Variants in DNER observed in about 807,000 individuals in gnomAD.
DNER encodes the protein delta and Notch-like epidermal growth factor-related receptor.
DNER carries 33 observed loss-of-function variants against 78.2 expected under a neutral mutation model. That is an observed-to-expected ratio of 0.42 (90% CI 0.32 to 0.56). The LOEUF (loss-of-function observed/expected upper bound fraction) is 0.56, where lower values mean the gene tolerates loss of function less well. Among genes scored for constraint, DNER ranks in the 20% least tolerant of loss-of-function variants. The pLI is 0.11. For synonymous variants in DNER, 417 were observed against 384.8 expected (o/e 1.08, Z -0.98); for missense variants, 918 against 975.3 (o/e 0.94, Z 0.78).
At chr2:229,475,131 T>C (rs963331845) in intron 7 of DNER, among the ~76,000 whole-genome samples, 4 of 152,196 alleles carry the variant, frequency 2.6e-5, no homozygotes, top group Admixed American at 2.0e-4. Context: ...ATTTAATCCT[T>C]ACACTGATCC....
At chr2:229,369,252 A>G (rs940154979) in intron 11 of DNER, among the ~76,000 whole-genome samples, 1 of 151,926 alleles carries the variant, frequency 6.6e-6, no homozygotes, top group East Asian at 1.9e-4. Context: ...AAGTTTAAAA[A>G]AAAAGTTTTA....
intron 4 of DNER, among the ~76,000 whole-genome samples, chr2:229,571,503 C>T (rs1697217783): frequency 6.6e-6 from 1 of 152,130 alleles, no homozygotes; most frequent in Middle Eastern, 3.4e-3. Flanking sequence ...TCTCTGCTCC[C>T]CACGCCTTCT....
intron 1 of DNER, among the ~76,000 whole-genome samples, chr2:229,593,350 G>A (rs1485041432): frequency 1.3e-5 from 2 of 152,016 alleles, no homozygotes; most frequent in African/African-American, 4.8e-5. Flanking sequence ...TGCACCTGCT[G>A]GACCCCTGCC....
intron 1 of DNER, among the ~76,000 whole-genome samples, chr2:229,704,513 G>A (rs1699795429): frequency 6.6e-6 from 1 of 152,188 alleles, no homozygotes; most frequent in African/African-American, 2.4e-5. Flanking sequence ...ATACTATTCA[G>A]CAATAATAAG....
chr2:229,607,582 A>C (rs1388088503), intron 1 of DNER, among the ~76,000 whole-genome samples: 2 of 152,252 alleles, frequency 1.3e-5, no homozygotes, highest in African/African-American at 2.4e-5. Flanking sequence ...GATAATTTGA[A>C]GAAGAATAAA....
chr2:229,706,943 G>A (rs1055071913), intron 1 of DNER, among the ~76,000 whole-genome samples: 12 of 152,194 alleles, frequency 7.9e-5, no homozygotes, highest in African/African-American at 2.9e-4. Context: ...TTAGTTGGTA[G>A]AAAGAATGGG....
At chr2:229,368,722 T>C (rs1028885295) in intron 11 of DNER, among the ~76,000 whole-genome samples, 2 of 152,162 alleles carry the variant, frequency 1.3e-5, no homozygotes, top group Non-Finnish European at 2.9e-5. Flanking sequence ...CACCAGAAGA[T>C]ACATTATTCT....
At chr2:229,559,180 G>C (rs1337665750) in intron 4 of DNER, among the ~76,000 whole-genome samples, 1 of 152,110 alleles carries the variant, frequency 6.6e-6, no homozygotes, top group Non-Finnish European at 1.5e-5. Flanking sequence ...ACCCCCAAAG[G>C]GAGCAATCAA....
intron 5 of DNER, among the ~76,000 whole-genome samples, chr2:229,542,321 G>A (rs1409115684): frequency 1.3e-5 from 2 of 152,064 alleles, no homozygotes; most frequent in South Asian, 2.1e-4. Context: ...AGCTCCTTGC[G>A]ATGTTGAAGT....
In DNER at chr2:229,591,825, T is replaced by G. The variant is rs760977383; in HGVS notation, c.340A>C (p.Ser114Arg). 2 of 1,602,714 alleles carry G rather than the reference T, an allele frequency of 1.2e-6. No homozygotes were observed. Reference protein sequence around the residue: ...HHGNCSSSSSSSSDGYLCICN... With the variant: ...HHGNCSSSSSRSSDGYLCICN... ...ATGCAGAGGTAGCCATCGCTGCTGC[T>G]GCTGCTGCTGCTGCTGCAGTTGCCA... Residue 114 changes from serine to arginine, a missense_variant, in exon 2 of 13, where the codon AGC (serine) becomes CGC (arginine). Ser to Arg is a moderately radical substitution (Grantham distance 110). Transcript: ENST00000341772. This position sits in a 1 kb window ranked among gnomAD's most constrained non-coding sequence, Gnocchi z 4.6.
At chr2:229,628,577 G>C (rs1698383720) in intron 1 of DNER, among the ~76,000 whole-genome samples, 1 of 152,110 alleles carries the variant, frequency 6.6e-6, no homozygotes, top group African/African-American at 2.4e-5. Context: ...GAAATAACCA[G>C]AGCTGCTCTG....
chr2:229,567,451 G>A (rs904209830), intron 4 of DNER, among the ~76,000 whole-genome samples: 3 of 152,174 alleles, frequency 2.0e-5, no homozygotes, highest in Non-Finnish European at 2.9e-5. Context: ...CTATGGTGAT[G>A]GCAAATATGG....
intron 1 of DNER, among the ~76,000 whole-genome samples, chr2:229,624,301 G>A (rs1255596693): frequency 6.6e-6 from 1 of 152,176 alleles, no homozygotes; most frequent in Admixed American, 6.5e-5. Context: ...AGTAAGCCAC[G>A]AGAAAACTTA....
chr2:229,419,921 T>C (rs1318925486), intron 8 of DNER, among the ~76,000 whole-genome samples: 4 of 147,492 alleles, frequency 2.7e-5, no homozygotes, highest in African/African-American at 5.1e-5. Flanking sequence ...GCTGCTGGCA[T>C]CTAGTAGGCA....
At chr2:229,685,602 A>G (rs1278321706) in intron 1 of DNER, among the ~76,000 whole-genome samples, 1 of 152,252 alleles carries the variant, frequency 6.6e-6, no homozygotes, top group African/African-American at 2.4e-5. Context: ...GGGCCTGTGT[A>G]GAGAATTCAG....
intron 1 of DNER, among the ~76,000 whole-genome samples, chr2:229,688,310 G>A (rs752892748): frequency 1.3e-4 from 20 of 152,188 alleles, no homozygotes; most frequent in Non-Finnish European, 2.6e-4. Context: ...ACAGACGGAC[G>A]CATGGATTTG....
At chr2:229,393,462 T>C (rs1166533508) in intron 10 of DNER, among the ~76,000 whole-genome samples, 2 of 151,232 alleles carry the variant, frequency 1.3e-5, no homozygotes, top group Non-Finnish European at 3.0e-5. Context: ...AATAGTAGAT[T>C]AGACACTGCA....
intron 12 of DNER, among the ~76,000 whole-genome samples, chr2:229,361,887 A>C (rs779382785): frequency 3.3e-5 from 5 of 152,086 alleles, no homozygotes; most frequent in Admixed American, 6.5e-5. Flanking sequence ...ATTAATAAGA[A>C]AATGTTTCTT....
chr2:229,699,958 G>A (rs1009859277), intron 1 of DNER, among the ~76,000 whole-genome samples: 12 of 151,790 alleles, frequency 7.9e-5, no homozygotes, highest in Admixed American at 2.6e-4. Context: ...ACAACACAAA[G>A]GACAAAGGGC....
Sources: gnomAD v4.1 joint callset for allele counts (sites outside exome capture counted in the v4.1 genomes callset) on GRCh38, gnomAD v4.1.1 for gene constraint, Gnocchi (gnomAD v3.1) non-coding constraint, MANE v1.5 for transcripts, NCBI Gene and HGNC (gene_info 2026-07-23, HGNC 2026-07-21) for gene names.